EFCAB5: variants seen among roughly 807,000 people sequenced by gnomAD.
EFCAB5 encodes EF-hand calcium-binding domain-containing protein 5.
In EFCAB5, 131 loss-of-function variants were observed where a neutral mutation model predicts 167.9. The ratio of observed to expected loss-of-function variants is 0.78; its 90% CI spans 0.68 to 0.90. EFCAB5 has a LOEUF of 0.90. Among genes scored for constraint, EFCAB5 ranks in the 40% least tolerant of loss-of-function variants. The probability of loss-of-function intolerance (pLI) is 0.00; values close to 1 mark genes in which losing one functional copy is unlikely to be tolerated. For missense variants in EFCAB5, 1,663 were observed against 1,745.2 expected (o/e 0.95, Z 0.84); for synonymous variants, 574 against 602.8 (o/e 0.95, Z 0.70).
chr17:30,010,810 T>C (rs2068880041), intron 7 of EFCAB5, among the ~76,000 whole-genome samples: 1 of 152,240 alleles, frequency 6.6e-6, no homozygotes, highest in African/African-American at 2.4e-5. Context: ...TTTAGTTTAA[T>C]TAGATCCCAT....
chr17:30,052,863 T>C (rs1221112162), intron 9 of EFCAB5, among the ~76,000 whole-genome samples: 1 of 152,240 alleles, frequency 6.6e-6, no homozygotes, highest in Non-Finnish European at 1.5e-5. Context: ...GCTTTTTATA[T>C]TGCAAATATT....
intron 6 of EFCAB5, among the ~76,000 whole-genome samples, chr17:29,996,771 C>G (rs2068552937): frequency 6.6e-6 from 1 of 152,054 alleles, no homozygotes; most frequent in Non-Finnish European, 1.5e-5. Context: ...ACACTGCCTC[C>G]GTAAATTCCT....
At chr17:29,984,835 C>A (rs976445639) in intron 4 of EFCAB5, among the ~76,000 whole-genome samples, 4 of 152,176 alleles carry the variant, frequency 2.6e-5, no homozygotes, top group African/African-American at 9.7e-5. Context: ...CTTCAAAGTT[C>A]ATTTTTGAAC....
intron 18 of EFCAB5, among the ~76,000 whole-genome samples, chr17:30,086,612 G>T (rs371948994): frequency 6.6e-6 from 1 of 152,024 alleles, no homozygotes; most frequent in African/African-American, 2.4e-5. Flanking sequence ...ATTAGCCGGG[G>T]CCGGGTGTGG....
chr17:30,001,658 T>C (rs1286142667), intron 7 of EFCAB5, among the ~76,000 whole-genome samples: 1 of 152,110 alleles, frequency 6.6e-6, no homozygotes, highest in East Asian at 1.9e-4. Flanking sequence ...TATGTCTCCA[T>C]AAAAGATAAT....
intron 14 of EFCAB5, chr17:30,074,433 T>C (rs1168751623): frequency 6.6e-6 from 1 of 152,212 alleles, no homozygotes; most frequent in Non-Finnish European, 1.5e-5. Context: ...TGGGCCTGGT[T>C]GACTCAGCAT....
At chr17:30,010,021 T>G (rs959739092) in intron 7 of EFCAB5, among the ~76,000 whole-genome samples, 6 of 152,190 alleles carry the variant, frequency 3.9e-5, no homozygotes, top group Non-Finnish European at 8.8e-5. Flanking sequence ...GTGTTCTCAT[T>G]GTTCAATTCC....
At chr17:29,997,016 T>C (rs187951334) in intron 6 of EFCAB5, among the ~76,000 whole-genome samples, 1 of 152,196 alleles carries the variant, frequency 6.6e-6, no homozygotes, top group African/African-American at 2.4e-5. Context: ...GAGCCCGAGA[T>C]GGGCGGATCA....
chr17:29,990,325 AC>A (rs1317548162), intron 4 of EFCAB5, among the ~76,000 whole-genome samples: 1 of 152,002 alleles, frequency 6.6e-6, no homozygotes, highest in African/African-American at 2.4e-5. Context: ...AATTTGATTG[AC>A]CCTATAAGCT....
chr17:30,093,160 T>C (rs1015988221), intron 22 of EFCAB5, among the ~76,000 whole-genome samples: 1 of 152,258 alleles, frequency 6.6e-6, no homozygotes. Flanking sequence ...CTCCCACTTA[T>C]TGACTACATG....
intron 3 of EFCAB5, among the ~76,000 whole-genome samples, chr17:29,962,737 T>C (rs1421578884): frequency 6.6e-6 from 1 of 151,144 alleles, no homozygotes; most frequent in East Asian, 2.0e-4. Context: ...TATAGGATCA[T>C]GTCATCTGTG....
At chr17:30,015,760 T>TTTTTTTTTTTTTTTTTTTTTTTTATTTC (rs2069022966) in intron 7 of EFCAB5, among the ~76,000 whole-genome samples, 1 of 29,546 alleles carries the variant, frequency 3.4e-5, no homozygotes. Flanking sequence ...TGGTTATTTC[T>TTTTTTTTTTTTTTTTTTTTTTTTATTTC]TTTTTTTTTT....
chr17:29,934,298 A>T (rs1199988357), intron 1 of EFCAB5, among the ~76,000 whole-genome samples: 1 of 152,226 alleles, frequency 6.6e-6, no homozygotes, highest in Admixed American at 6.5e-5. Context: ...ATAAATTATA[A>T]TTGATAATAT....
intron 8 of EFCAB5, among the ~76,000 whole-genome samples, chr17:30,037,180 G>C (rs1294123596): frequency 6.6e-6 from 1 of 152,106 alleles, no homozygotes; most frequent in South Asian, 2.1e-4. Flanking sequence ...TAGAAGGTAG[G>C]GTGTAGGTAG....
At chr17:30,010,269 G>A (rs1400036319) in intron 7 of EFCAB5, among the ~76,000 whole-genome samples, 4 of 152,122 alleles carry the variant, frequency 2.6e-5, no homozygotes, top group African/African-American at 7.2e-5. Flanking sequence ...ATAAACATAC[G>A]TGTGCATGTG....
At chr17:29,976,796 C>G (rs776981816) in intron 4 of EFCAB5, among the ~76,000 whole-genome samples, 1 of 152,166 alleles carries the variant, frequency 6.6e-6, no homozygotes, top group Non-Finnish European at 1.5e-5. Context: ...ATCCAAAAAG[C>G]TTTTGTCTGC....
At chr17:30,042,345 C>T (rs573702160) in intron 8 of EFCAB5, among the ~76,000 whole-genome samples, 34 of 152,172 alleles carry the variant, frequency 2.2e-4, no homozygotes, top group African/African-American at 7.7e-4. Flanking sequence ...CAAACCAAAG[C>T]GAATTTGTGT....
intron 4 of EFCAB5, among the ~76,000 whole-genome samples, chr17:29,980,165 G>T (rs942339534): frequency 1.3e-5 from 2 of 152,098 alleles, no homozygotes; most frequent in African/African-American, 4.8e-5. Flanking sequence ...GTGAAACTCC[G>T]TCTCAAAAAC....
intron 3 of EFCAB5, among the ~76,000 whole-genome samples, chr17:29,956,647 G>C (rs1410279513): frequency 5.9e-5 from 9 of 152,200 alleles, no homozygotes; most frequent in Admixed American, 5.9e-4. Context: ...TGCAGCTTTA[G>C]ACCAAACTTG....
Sources: gnomAD v4.1 joint callset for allele counts (sites outside exome capture counted in the v4.1 genomes callset) on GRCh38, gnomAD v4.1.1 for gene constraint, MANE v1.5 for transcripts, NCBI Gene and HGNC (gene_info 2026-07-23, HGNC 2026-07-21) for gene names.